ADI1: variants seen among roughly 807,000 people sequenced by gnomAD.
ADI1 encodes acireductone dioxygenase 1.
Under a neutral mutation model 18.7 loss-of-function variants are expected in ADI1, and 21 were observed. The ratio of observed to expected loss-of-function variants is 1.13; its 90% CI spans 0.80 to 1.62. The LOEUF is 1.62. ADI1 is among the 40% of genes most tolerant of loss of function. The pLI is 0.00. For missense variants in ADI1, 245 were observed against 254.9 expected (o/e 0.96, Z 0.26); for synonymous variants, 90 against 100.1 (o/e 0.90, Z 0.60).
chr2:3,519,228 AC>A, intron 1 of ADI1, 139 bp downstream of exon 1: 3 of 1,225,978 alleles, frequency 2.4e-6, no homozygotes, highest in Non-Finnish European at 1.0e-6. Context: ...GCCGCCACGA[AC>A]CCCCAAATCC....
In ADI1 at chr2:3,514,023, G is replaced by A. The variant is rs1667346476; in HGVS notation, c.121-47C>T. The A allele has an allele frequency of 2.6e-6, 4 of 1,549,560 alleles. No homozygotes were observed. In the South Asian group the frequency reaches 3.7e-5, roughly 14 times the overall value. On this transcript the variant is annotated intron_variant, in intron 1 of 3. Transcript: ENST00000327435. ...AAACAAGAGCTCAGATTAACAAGGA[G>A]ATGTAGAAACATTCTCTTTCTGGAT... is the stretch of plus-strand genomic sequence containing the variant.
intron 1 of ADI1, among the ~76,000 whole-genome samples, chr2:3,518,850 C>CGGCCGACCCTTCA (rs1350293594): frequency 6.6e-6 from 1 of 152,228 alleles, no homozygotes; most frequent in Non-Finnish European, 1.5e-5. Flanking sequence ...GCAGCCCTGC[C>CGGCCGACCCTTCA]GGCCGACCCT....
chr2:3,509,305 A>G (rs1329236170), intron 2 of ADI1, among the ~76,000 whole-genome samples: 1 of 152,226 alleles, frequency 6.6e-6, no homozygotes, highest in African/African-American at 2.4e-5. Flanking sequence ...GTTGATCTGA[A>G]TAATACCATC....
chr2:3,499,876 C>G (rs1666953374), intron 3 of ADI1, among the ~76,000 whole-genome samples: 1 of 151,956 alleles, frequency 6.6e-6, no homozygotes, highest in African/African-American at 2.4e-5. Flanking sequence ...ACCAGCCTGG[C>G]CAACATGGTG....
At chr2:3,507,334 C>T (rs1357402356) in intron 2 of ADI1, among the ~76,000 whole-genome samples, 1 of 152,050 alleles carries the variant, frequency 6.6e-6, no homozygotes, top group African/African-American at 2.4e-5. Flanking sequence ...ACTGAGAGAA[C>T]ACCAAGCAGG....
Position 3,498,951 on chromosome 2 carries a change from C to T in ADI1, c.*12G>A. The T allele has an allele frequency of 1.2e-6, 2 of 1,601,038 alleles. No individual in the cohort carries two copies. Among genetic ancestry groups the T allele is most frequent in the Non-Finnish European group, 1.7e-6 (2 of 1,170,174 alleles). On this transcript the variant is annotated 3_prime_UTR_variant, in exon 4 of 4. Transcript: ENST00000327435. ...CCTTTACGAGGCACGTGTTAGTTCC[C>T]AGGCAGCACTGCTAGGCGGTCTGTG... is the stretch of plus-strand genomic sequence containing the variant.
chr2:3,514,684 C>A, intron 1 of ADI1: 1 of 1,278,084 alleles, frequency 7.8e-7, no homozygotes, highest in Non-Finnish European at 1.1e-6. Context: ...TCCTTCCTGA[C>A]GAAGCACTTC....
At chr2:3,506,314 A>G (rs1667175017) in intron 2 of ADI1, among the ~76,000 whole-genome samples, 2 of 152,238 alleles carry the variant, frequency 1.3e-5, no homozygotes, top group Admixed American at 1.3e-4. Flanking sequence ...AGAATCAACA[A>G]AGAAAAGCTC....
At chr2:3,518,061 A>G (rs1273936462) in intron 1 of ADI1, among the ~76,000 whole-genome samples, 1 of 152,216 alleles carries the variant, frequency 6.6e-6, no homozygotes, top group Admixed American at 6.5e-5. Flanking sequence ...TAAACATAAT[A>G]AGTCAAAATT....
chr2:3,510,579 T>G (rs1180196670), intron 2 of ADI1, among the ~76,000 whole-genome samples: 1 of 152,040 alleles, frequency 6.6e-6, no homozygotes, highest in Non-Finnish European at 1.5e-5. Flanking sequence ...AAACACAAAT[T>G]ATCAGTATCA....
At chr2:3,509,063 A>G (rs957598900) in intron 2 of ADI1, among the ~76,000 whole-genome samples, 1 of 151,986 alleles carries the variant, frequency 6.6e-6, no homozygotes, top group Non-Finnish European at 1.5e-5. Flanking sequence ...AATTTTAAAA[A>G]CAGCAAAATC....
intron 2 of ADI1, 122 bp from the exon 3 acceptor site, chr2:3,501,115 T>A (rs1289644314): frequency 7.8e-6 from 6 of 765,686 alleles, no homozygotes; most frequent in Non-Finnish European, 1.2e-5. Context: ...CTTCTCTCCA[T>A]AAAAATGAAA....
At chr2:3,507,467 G>T (rs555787630) in intron 2 of ADI1, among the ~76,000 whole-genome samples, 1 of 151,374 alleles carries the variant, frequency 6.6e-6, no homozygotes, top group African/African-American at 2.4e-5. Context: ...AAAAGAAAAA[G>T]AATTACATCA....
intron 1 of ADI1, chr2:3,516,876 T>C (rs922273894): frequency 4.0e-5 from 39 of 985,046 alleles, no homozygotes; most frequent in African/African-American, 5.3e-5. Context: ...AGATGTTACA[T>C]ATATATAATG....
intron 1 of ADI1, 126 bp downstream of exon 1, chr2:3,519,242 C>G: frequency 7.8e-7 from 1 of 1,274,536 alleles, no homozygotes; most frequent in Non-Finnish European, 1.0e-6. Context: ...CCAAATCCCG[C>G]TGCTGAGCAT....
At chr2:3,518,348 T>C (rs1343035519) in intron 1 of ADI1, among the ~76,000 whole-genome samples, 1 of 152,238 alleles carries the variant, frequency 6.6e-6, no homozygotes, top group African/African-American at 2.4e-5. Flanking sequence ...TGTATTTCAT[T>C]TAAATCACAT....
chr2:3,497,790 G>A lies in ADI1; in HGVS notation c.*1173C>T, dbSNP rs1666899895. 1 of 152,180 alleles carries A rather than the reference G, an allele frequency of 6.6e-6. No individual in the cohort carries two copies. The highest frequency in any genetic ancestry group is 1.5e-5 in the Non-Finnish European group (1 of 68,038). 9.4% of individuals were successfully genotyped at this position (152,180 alleles called of 1,614,324 possible). On this transcript the variant is annotated 3_prime_UTR_variant, in exon 4 of 4. Transcript: ENST00000327435. ...AGGAGTTTCAAACACTAAGGATCCT[G>A]ACAGGGAAAAGTTATATGAAGCAAG...
rs138945365 is a variant in ADI1, at chr2:3,518,059, A to G, written c.120+1309T>C. On this transcript the variant is annotated intron_variant, in intron 1 of 3. Coordinates refer to ENST00000327435, the MANE Select transcript of ADI1 (RefSeq NM_018269.4). ...GTTGTTTGGATTGTGGATAAACATA[A>G]TAAGTCAAAATTTATTCTCCTCTCA... Among the ~76,000 whole-genome samples the G allele has an allele frequency of 8.9e-4, 135 of 152,336 alleles. No individual in the cohort carries two copies. In the East Asian group the frequency reaches 0.013, roughly 15 times the overall value.
At chr2:3,515,845 A>G (rs13012176) in intron 1 of ADI1, 575,274 of 943,126 alleles carry the variant, frequency 0.61, 182,022 homozygotes, top group Non-Finnish European at 0.64. Flanking sequence ...CAGCTGGCCG[A>G]CACTTATGGA....
Sources: allele counts gnomAD v4.1 joint callset (sites outside exome capture counted in the v4.1 genomes callset), GRCh38; gene constraint gnomAD v4.1.1; transcripts MANE v1.5; gene names NCBI Gene and HGNC (gene_info 2026-07-23, HGNC 2026-07-21).